The following CCDC125 variants were observed in gnomAD, a reference collection of about 807,000 sequenced individuals.
CCDC125 encodes coiled-coil domain-containing protein 125.
CCDC125 carries 43 observed loss-of-function variants against 57.4 expected under a neutral mutation model. The ratio of observed to expected loss-of-function variants is 0.75; its 90% CI spans 0.59 to 0.97. CCDC125 has a LOEUF of 0.97. Among genes scored for constraint, CCDC125 ranks in the 50% least tolerant of loss-of-function variants. The pLI is 0.00. For missense variants in CCDC125, 563 were observed against 595.7 expected (o/e 0.95, Z 0.57); for synonymous variants, 187 against 195.2 (o/e 0.96, Z 0.35).
rs975973092 is a variant in CCDC125 at position 69,288,797 on chromosome 5, A to G, written c.1100-3330T>C. ...CTGAGCCTTTAACTTATGGGATCTG[A>G]CTCTAACTCCAGGTAGACAGTGTGA... is the stretch of plus-strand genomic sequence containing the variant. On this transcript the variant is annotated intron_variant, in intron 10 of 11. Coordinates refer to ENST00000396496, the MANE Select transcript of CCDC125 (RefSeq NM_176816.5). Among the ~76,000 whole-genome samples the G allele has an allele frequency of 2.0e-5, 3 of 152,060 alleles. No individual in the cohort carries two copies. In the East Asian group the frequency reaches 5.8e-4, roughly 29 times the overall value.
chr5:69,306,941 C>T (rs374875429), intron 5 of CCDC125, 39 bp from the exon 6 acceptor site: 27 of 1,451,818 alleles, frequency 1.9e-5, no homozygotes, highest in Non-Finnish European at 2.5e-5. Context: ...CAAATTACTA[C>T]AAATAAATCA....
At chr5:69,297,260 C>T (rs1311408579) in intron 8 of CCDC125, among the ~76,000 whole-genome samples, 3 of 151,912 alleles carry the variant, frequency 2.0e-5, no homozygotes, top group South Asian at 2.1e-4. Context: ...AGGCTGGTCT[C>T]GAACTCCTGA....
At chr5:69,299,620 C>A (rs1026051962) in intron 8 of CCDC125, among the ~76,000 whole-genome samples, 13 of 152,200 alleles carry the variant, frequency 8.5e-5, no homozygotes, top group African/African-American at 2.9e-4. Flanking sequence ...CCTTAGTTTC[C>A]TCTTCTCTAA....
chr5:69,312,193 C>A (rs1395491230), intron 3 of CCDC125, among the ~76,000 whole-genome samples: 1 of 152,112 alleles, frequency 6.6e-6, no homozygotes, highest in Non-Finnish European at 1.5e-5. Context: ...ATGTGACAGG[C>A]AGAGGCTGGA....
chr5:69,275,738 C>T (rs550313274), downstream of CCDC125, among the ~76,000 whole-genome samples: 25 of 152,224 alleles, frequency 1.6e-4, no homozygotes, highest in African/African-American at 5.1e-4. Context: ...CTTAGGGAGG[C>T]GGAGGCGGGA....
intron 10 of CCDC125, among the ~76,000 whole-genome samples, chr5:69,287,707 C>T (rs1753744881): frequency 6.6e-6 from 1 of 151,110 alleles, no homozygotes; most frequent in South Asian, 2.1e-4. Flanking sequence ...GTAGCTGAGA[C>T]CACAGGTATC....
intron 1 of CCDC125, among the ~76,000 whole-genome samples, chr5:69,330,923 G>A (rs996695301): frequency 1.1e-4 from 16 of 152,052 alleles, no homozygotes; most frequent in African/African-American, 2.7e-4. Flanking sequence ...AGTGCAAACC[G>A]AATGATGTCT....
At position 69,306,670 on chromosome 5, in the gene CCDC125, C is replaced by G. The variant is rs1757378762; in HGVS notation, c.617+147G>C. The G allele has an allele frequency of 4.2e-6, 4 of 944,760 alleles. No homozygotes were observed. In the South Asian group the frequency reaches 1.7e-4, roughly 41 times the overall value. The allele number at this position is 944,760 out of a possible 1,614,324, so 58.5% of individuals were successfully genotyped here. On this transcript the variant is annotated intron_variant, in intron 6 of 11. Transcript: ENST00000396496. ...TTTTTTTCTTTAAGGAAAATTAACA[C>G]TAACAAAAATATGCGACTAGTAAGT...
intron 1 of CCDC125, among the ~76,000 whole-genome samples, chr5:69,322,118 G>A (rs1044338343): frequency 4.6e-5 from 7 of 151,972 alleles, no homozygotes; most frequent in African/African-American, 1.4e-4. Context: ...TAGGATTACA[G>A]GCATGAGCCA....
chr5:69,289,864 A>G (rs1184325873), intron 10 of CCDC125, among the ~76,000 whole-genome samples: 5 of 32,446 alleles, frequency 1.5e-4, no homozygotes, highest in Non-Finnish European at 3.8e-4. Context: ...TGCTGCCTCA[A>G]AAAAAAAAAA....
At chr5:69,311,228 C>T (rs1328552940) in intron 3 of CCDC125, 24 bp from the exon 4 acceptor site, 2 of 1,441,714 alleles carry the variant, frequency 1.4e-6, no homozygotes, top group South Asian at 1.2e-5. Context: ...GAAAATTAGT[C>T]TTCCTATCTG....
downstream of CCDC125, among the ~76,000 whole-genome samples, chr5:69,275,590 C>T (rs1023141161): frequency 7.9e-5 from 12 of 152,222 alleles, no homozygotes; most frequent in East Asian, 1.9e-3. Context: ...GACGTGATGC[C>T]ACAAGTGGAA....
At chr5:69,286,188 CTATATATATATATATATATATATATATA>C (rs59035946) in intron 10 of CCDC125, among the ~76,000 whole-genome samples, 71 of 51,340 alleles carry the variant, frequency 1.4e-3, no homozygotes, top group African/African-American at 3.5e-3. Flanking sequence ...AAATGGTAAA[CTATATATATATATATATATATATATATA>C]TATATATATA....
At chr5:69,308,456 A>T (rs28513857) in intron 4 of CCDC125, 186,191 of 189,162 alleles carry the variant, frequency 0.98, 91,647 homozygotes, top group East Asian at 1. Flanking sequence ...ATAAGTCTCA[A>T]GAGATCTGTT....
In CCDC125 at chr5:69,282,756, A is replaced by G. The variant is rs747848919; in HGVS notation, c.1509T>C (p.His503=). 2 of 1,599,870 alleles carry G rather than the reference A, an allele frequency of 1.3e-6. No homozygotes were observed. Among genetic ancestry groups the G allele is most frequent in the South Asian group, 2.3e-5 (2 of 87,222 alleles). ...DPNYRTLKRS[H]SLPSSIIF ...AAAATATGATACTTGATGGCAAAGA[A>G]TGGGATCTTTTAAGAGTTCTATAGT... is the stretch of plus-strand genomic sequence containing the variant. Residue 503 remains histidine, a synonymous_variant, in exon 12 of 12, where the codon CAT becomes CAC. Transcript: ENST00000396496.
intron 1 of CCDC125, among the ~76,000 whole-genome samples, chr5:69,326,917 A>G (rs1760800684): frequency 6.6e-6 from 1 of 152,024 alleles, no homozygotes; most frequent in African/African-American, 2.4e-5. Flanking sequence ...ACTGCTGGGC[A>G]TGGTGGTGCA....
At chr5:69,326,837 G>C (rs1400960066) in intron 1 of CCDC125, among the ~76,000 whole-genome samples, 3 of 152,020 alleles carry the variant, frequency 2.0e-5, no homozygotes, top group Non-Finnish European at 4.4e-5. Context: ...GACTGCTTGA[G>C]CCTAGTAGTT....
At chr5:69,308,120 AAATT>A in intron 4 of CCDC125, 92 bp from the exon 5 acceptor site, 1 of 891,876 alleles carries the variant, frequency 1.1e-6, no homozygotes, top group Non-Finnish European at 1.8e-6. Context: ...AGGCAATGGA[AAATT>A]AAGATGAATT....
In CCDC125 at chr5:69,327,636, T is replaced by C. The variant is rs148472210; in HGVS notation, c.-41+5013A>G. On this transcript the variant is annotated intron_variant, in intron 1 of 11. Transcript: ENST00000396496. ...TTCACCACTTGCCACTTTTTGATCT[T>C]GGGTAAGTCATTTAACTTCTTAGAG... 7.6e-3 allele frequency among the ~76,000 whole-genome samples: 1,165 copies of C among 152,316 alleles called. 9 individuals carry two copies. The highest frequency in any genetic ancestry group is 0.026 in the African/African-American group (1,089 of 41,556).
Sources: gnomAD v4.1 joint callset for allele counts (sites outside exome capture counted in the v4.1 genomes callset) on GRCh38, gnomAD v4.1.1 for gene constraint, MANE v1.5 for transcripts, NCBI Gene and HGNC (gene_info 2026-07-23, HGNC 2026-07-21) for gene names.